MYO16: variants seen among roughly 807,000 people sequenced by gnomAD.
MYO16 encodes myosin XVI, also known as unconventional myosin-XVI.
A neutral mutation model predicts 205.3 loss-of-function variants in MYO16; 94 were observed. The observed-to-expected ratio is 0.46, with a 90% CI of 0.39 to 0.54. The LOEUF is 0.54. Ranked by LOEUF, MYO16 falls within the 20% of genes least tolerant of loss-of-function variation. The pLI is 0.00. For missense variants in MYO16, 2,315 were observed against 2,387.5 expected (o/e 0.97, Z 0.63); for synonymous variants, 988 against 954.0 (o/e 1.04, Z -0.66).
intron 15 of MYO16, among the ~76,000 whole-genome samples, chr13:108,906,702 T>C (rs1880995218): frequency 6.6e-6 from 1 of 152,192 alleles, no homozygotes; most frequent in African/African-American, 2.4e-5. Flanking sequence ...AGAAGGACAC[T>C]AGAATAGTGT....
chr13:108,901,327 CA>C (rs763552917), intron 15 of MYO16, among the ~76,000 whole-genome samples: 21 of 152,148 alleles, frequency 1.4e-4, no homozygotes, highest in Non-Finnish European at 3.1e-4. Context: ...TTTTACGGCT[CA>C]GGGGGCATCA....
intron 34 of MYO16, among the ~76,000 whole-genome samples, chr13:109,196,287 C>T (rs1466151088): frequency 6.6e-6 from 1 of 151,992 alleles, no homozygotes; most frequent in Non-Finnish European, 1.5e-5. Context: ...TTTTTAAATC[C>T]CCGTACTGAG....
chr13:108,783,461 C>T (rs139185634), intron 4 of MYO16, among the ~76,000 whole-genome samples: 76 of 152,244 alleles, frequency 5.0e-4, no homozygotes, highest in Non-Finnish European at 8.1e-4. Context: ...TGCCTTGTCT[C>T]AGATGAAACT....
At chr13:108,869,760 A>AAAAAAAG (rs71204889) in intron 12 of MYO16, among the ~76,000 whole-genome samples, 1 of 141,074 alleles carries the variant, frequency 7.1e-6, no homozygotes, top group Non-Finnish European at 1.5e-5. Context: ...AAAAAAAAAA[A>AAAAAAAG]GAAACCACAC....
chr13:109,043,830 G>A (rs897985923), intron 23 of MYO16, among the ~76,000 whole-genome samples: 2 of 152,088 alleles, frequency 1.3e-5, no homozygotes, highest in Admixed American at 1.3e-4. Flanking sequence ...AAGGACGAAT[G>A]AATGATTCAG....
At chr13:109,022,735 A>ATTTATG (rs1244240411) in intron 23 of MYO16, among the ~76,000 whole-genome samples, 1 of 133,896 alleles carries the variant, frequency 7.5e-6, no homozygotes, top group African/African-American at 2.7e-5. Flanking sequence ...ATATGTATAT[A>ATTTATG]TTATATATAT....
chr13:108,953,362 C>G (rs1299769254), intron 16 of MYO16, among the ~76,000 whole-genome samples: 2 of 152,154 alleles, frequency 1.3e-5, no homozygotes, highest in Non-Finnish European at 2.9e-5. Flanking sequence ...CTAAAAGTTG[C>G]CTGCATAGGC....
chr13:108,780,592 AG>A lies in MYO16; in HGVS notation c.508-5041del, dbSNP rs371386482. On this transcript the variant is annotated intron_variant, in intron 4 of 34. Coordinates refer to ENST00000457511, the MANE Select transcript of MYO16 (RefSeq NM_001198950.3). Reference sequence around the variant, plus strand: ...TTTGTAACTATATAAACCCTTGAAAAGGAAGGTCAGAAAATTTAGTTAAAAA... The same window carrying A: ...TTTGTAACTATATAAACCCTTGAAAAGAAGGTCAGAAAATTTAGTTAAAAA... Among the ~76,000 whole-genome samples, 32 of 152,354 alleles carry A rather than the reference AG, an allele frequency of 2.1e-4. No individual in the cohort carries two copies. The East Asian group carries it at 5.4e-3, about 26-fold the overall frequency.
At chr13:108,757,802 G>T (rs904413946) in intron 4 of MYO16, among the ~76,000 whole-genome samples, 1 of 152,122 alleles carries the variant, frequency 6.6e-6, no homozygotes, top group Non-Finnish European at 1.5e-5. Flanking sequence ...GTTTCATTTA[G>T]TTATAGTAAC....
chr13:108,860,099 A>G (rs962489104), intron 11 of MYO16, among the ~76,000 whole-genome samples: 16 of 150,088 alleles, frequency 1.1e-4, no homozygotes, highest in Admixed American at 1.0e-3. Context: ...TGTACAGATT[A>G]TTTTATAACC....
chr13:109,075,109 T>A (rs1888049633), intron 27 of MYO16, among the ~76,000 whole-genome samples: 1 of 152,182 alleles, frequency 6.6e-6, no homozygotes. Flanking sequence ...ATATTTGGGT[T>A]TTCTCAGTTT....
intron 2 of MYO16, among the ~76,000 whole-genome samples, chr13:108,668,187 T>A (rs1374305148): frequency 6.6e-6 from 1 of 152,240 alleles, no homozygotes; most frequent in African/African-American, 2.4e-5. Flanking sequence ...TTATATAAGT[T>A]ACGTTTCCCC....
chr13:109,176,577 T>TAAAAAAA lies in MYO16; in HGVS notation c.5324-2947_5324-2941dup, dbSNP rs36054088. On this transcript the variant is annotated intron_variant, in intron 33 of 34. Transcript: ENST00000457511. ...GCAGCTAAATAAAATATTGTGCTGGTAAAAAAAAAAAAAAAAAAAAAAAAG... is the reference window on the plus strand; with the variant it reads ...GCAGCTAAATAAAATATTGTGCTGGTAAAAAAAAAAAAAAAAAAAAAAAAAAAAAAAG... Among the ~76,000 whole-genome samples, 49 of 44,948 alleles carry TAAAAAAA rather than the reference T, an allele frequency of 1.1e-3. 8 individuals carry two copies. Among genetic ancestry groups the TAAAAAAA allele is most frequent in the African/African-American group, 2.4e-3 (26 of 10,996 alleles). The allele number at this position is 44,948 out of a possible 152,430, so 29.5% of individuals were successfully genotyped here. A position where few individuals can be genotyped will look rare whatever the true frequency, so the allele number is the denominator to read the frequency against.
chr13:109,203,636 C>T (rs1392326273), intron 34 of MYO16, among the ~76,000 whole-genome samples: 1 of 152,138 alleles, frequency 6.6e-6, no homozygotes, highest in Admixed American at 6.5e-5. Context: ...TGAAAGATGA[C>T]AGCAAATCTA....
chr13:108,824,877 G>A (rs1876170061), intron 9 of MYO16, among the ~76,000 whole-genome samples: 1 of 151,910 alleles, frequency 6.6e-6, no homozygotes, highest in Non-Finnish European at 1.5e-5. Context: ...GAGAACATTG[G>A]AATAGACCTA....
At chr13:108,799,444 T>C (rs1018668656) in intron 6 of MYO16, among the ~76,000 whole-genome samples, 3 of 152,206 alleles carry the variant, frequency 2.0e-5, no homozygotes, top group Admixed American at 2.0e-4. Flanking sequence ...AAGCAACAGA[T>C]CTAGTAATTA....
At chr13:108,602,077 C>T (rs1266934467) in intron 1 of MYO16, among the ~76,000 whole-genome samples, 1 of 141,624 alleles carries the variant, frequency 7.1e-6, no homozygotes, top group Non-Finnish European at 1.5e-5. Context: ...TTCTCTCTCT[C>T]TCATTGTTAT....
At chr13:109,126,821 T>A (rs1256204490) in intron 30 of MYO16, among the ~76,000 whole-genome samples, 1 of 152,028 alleles carries the variant, frequency 6.6e-6, no homozygotes, top group Non-Finnish European at 1.5e-5. Flanking sequence ...TTAAGTAGAG[T>A]CTATCCTCTT....
chr13:109,125,101 T>C lies in MYO16; in HGVS notation c.3536-11T>C. 6.2e-7 allele frequency: 1 copy of C among 1,613,520 alleles called. No homozygotes were observed. Among genetic ancestry groups the C allele is most frequent in the Non-Finnish European group, 8.5e-7 (1 of 1,179,682 alleles). ...TCCTCCATTTACTAACCCATGATCC[T>C]TCTATAAAAGTTATCAGAGGATTTT... is the stretch of plus-strand genomic sequence containing the variant. On this transcript the variant is annotated splice_polypyrimidine_tract_variant and intron_variant, in intron 29 of 34. Coordinates refer to ENST00000457511, the MANE Select transcript of MYO16 (RefSeq NM_001198950.3). This position sits in a 1 kb window ranked among gnomAD's most constrained non-coding sequence, Gnocchi z 4.0.
Sources: allele counts gnomAD v4.1 joint callset (sites outside exome capture counted in the v4.1 genomes callset), GRCh38; gene constraint gnomAD v4.1.1; non-coding constraint Gnocchi (gnomAD v3.1); transcripts MANE v1.5; gene names NCBI Gene and HGNC (gene_info 2026-07-23, HGNC 2026-07-21).